Variants in IQCB1 observed in about 807,000 individuals in gnomAD.
IQCB1 encodes IQ motif containing B1.
Under a neutral mutation model 84.4 loss-of-function variants are expected in IQCB1, and 56 were observed. That is an observed-to-expected ratio of 0.66 (90% CI 0.54 to 0.83). The LOEUF (loss-of-function observed/expected upper bound fraction) is 0.83. IQCB1 is among the 40% of genes least tolerant of loss of function. The pLI is 0.00. For synonymous variants in IQCB1, 210 were observed against 234.8 expected (o/e 0.89, Z 0.96); for missense variants, 629 against 682.1 (o/e 0.92, Z 0.87).
At chr3:121,808,609 C>G (rs1028114797) in intron 6 of IQCB1, among the ~76,000 whole-genome samples, 15 of 151,908 alleles carry the variant, frequency 9.9e-5, no homozygotes, top group Non-Finnish European at 1.9e-4. Context: ...ATCTTTTAAA[C>G]TTAAAAGTTA....
intron 12 of IQCB1, among the ~76,000 whole-genome samples, chr3:121,783,562 G>C (rs77718540): frequency 1.4e-3 from 208 of 151,974 alleles, no homozygotes; most frequent in East Asian, 0.011. Context: ...CCCATGCTTT[G>C]TTTTCCATAC....
At chr3:121,776,044 G>GTT (rs58487265) in intron 13 of IQCB1, among the ~76,000 whole-genome samples, 9 of 151,196 alleles carry the variant, frequency 6.0e-5, no homozygotes, top group Admixed American at 3.3e-4. Context: ...ATTCATCCAC[G>GTT]TTTTTTTTTC....
intron 5 of IQCB1, among the ~76,000 whole-genome samples, chr3:121,816,839 A>T (rs1270572627): frequency 6.6e-6 from 1 of 152,224 alleles, no homozygotes; most frequent in Non-Finnish European, 1.5e-5. Context: ...ACCACTGTGG[A>T]AGACAGTGTG....
At chr3:121,779,390 A>C (rs1948380412) in intron 13 of IQCB1, among the ~76,000 whole-genome samples, 1 of 152,114 alleles carries the variant, frequency 6.6e-6, no homozygotes, top group Non-Finnish European at 1.5e-5. Flanking sequence ...CACCTATATT[A>C]ATCTTCCATC....
At position 121,788,315 on chromosome 3, in the gene IQCB1, T is replaced by C. The variant is rs1271180738; in HGVS notation, c.1247A>G (p.Glu416Gly). The C allele has an allele frequency of 6.2e-7, 1 of 1,613,882 alleles. No homozygotes were observed. The highest frequency in any genetic ancestry group is 8.5e-7 in the Non-Finnish European group (1 of 1,179,968). The change falls in exon 12 of 15, where the codon GAG becomes GGG. Residue 416 changes from glutamate (E) to glycine (G), a missense_variant. By Grantham distance (98) the Glu-to-Gly change is moderately conservative. Transcript: ENST00000310864. ...TTGAAGTGTGACAGCTGCTTTATACTCTATGAGAGACTGCCTCTGTTGGTG... is the reference window on the plus strand; with the variant it reads ...TTGAAGTGTGACAGCTGCTTTATACCCTATGAGAGACTGCCTCTGTTGGTG... ...NFHQQRQSLI[E>G]YKAAVTLQRA...
Position 121,827,087 on chromosome 3 carries a change from G to A in IQCB1, c.264-907C>T, listed in dbSNP as rs987132502. Reference sequence around the variant, plus strand: ...TGGAATACTATGCAGCCATAAAAAAGAACAAGATCATGTCCTTTGCAGCAA... The same window carrying A: ...TGGAATACTATGCAGCCATAAAAAAAAACAAGATCATGTCCTTTGCAGCAA... On this transcript the variant is annotated intron_variant, in intron 4 of 14. Coordinates refer to ENST00000310864, the MANE Select transcript of IQCB1 (RefSeq NM_001023570.4). 2.6e-5 allele frequency among the ~76,000 whole-genome samples: 4 copies of A among 152,002 alleles called. No individual in the cohort carries two copies. In the East Asian group the frequency reaches 7.7e-4, roughly 29 times the overall value.
At position 121,781,726 on chromosome 3, in the gene IQCB1, G is replaced by T; in HGVS notation, c.1410+17C>A. ...ATTGGAATAATGTAATACTGATATG[G>T]TACAGAAGCTTCATACCAAATGTCT... On this transcript the variant is annotated intron_variant, in intron 13 of 14. Coordinates refer to ENST00000310864, the MANE Select transcript of IQCB1 (RefSeq NM_001023570.4). The T allele has an allele frequency of 6.2e-7, 1 of 1,608,508 alleles. No individual in the cohort carries two copies. The highest frequency in any genetic ancestry group is 8.5e-7 in the Non-Finnish European group (1 of 1,175,652).
chr3:121,833,304 C>T (rs777966516), intron 2 of IQCB1, among the ~76,000 whole-genome samples: 5 of 152,152 alleles, frequency 3.3e-5, no homozygotes, highest in Non-Finnish European at 4.4e-5. Flanking sequence ...GTACCTGGCA[C>T]GTACTAGGAT....
rs182615699 is a variant in IQCB1 at position 121,776,358 on chromosome 3, G to C, written c.1411-3645C>G. On this transcript the variant is annotated intron_variant, in intron 13 of 14. Transcript: ENST00000310864. ...ATGGACATATATTTCTTTTTCTCTG[G>C]GGTAAATATCTAGGAGTAGAATGGC... 2.7e-3 allele frequency among the ~76,000 whole-genome samples: 408 copies of C among 152,118 alleles called. 1 individual carries two copies. Among genetic ancestry groups the C allele is most frequent in the African/African-American group, 9.4e-3 (390 of 41,486 alleles).
Position 121,828,463 on chromosome 3 carries a change from A to G in IQCB1, c.263+7T>C, listed in dbSNP as rs1162572689. ...TCAAGAACAGCTGACTTACTGCTTT[A>G]TTTTACCTTAATATCTGTGTAAGCT... On this transcript the variant is annotated splice_region_variant and intron_variant, in intron 4 of 14. Transcript: ENST00000310864. 6.2e-7 allele frequency: 1 copy of G among 1,610,258 alleles called. No homozygotes were observed. Among genetic ancestry groups the G allele is most frequent in the African/African-American group, 1.3e-5 (1 of 74,820 alleles).
chr3:121,789,261 T>A (rs1413368842), intron 11 of IQCB1, among the ~76,000 whole-genome samples: 1 of 152,202 alleles, frequency 6.6e-6, no homozygotes, highest in Non-Finnish European at 1.5e-5. Context: ...TTCAGGTCCT[T>A]CAGTGCACTA....
intron 5 of IQCB1, among the ~76,000 whole-genome samples, chr3:121,824,838 T>C (rs779488274): frequency 6.6e-6 from 1 of 152,052 alleles, no homozygotes; most frequent in African/African-American, 2.4e-5. Context: ...AAAAAGAGAA[T>C]TTAGAAGACT....
At chr3:121,808,234 A>T (rs1031789566) in intron 6 of IQCB1, among the ~76,000 whole-genome samples, 1 of 151,962 alleles carries the variant, frequency 6.6e-6, no homozygotes, top group Non-Finnish European at 1.5e-5. Flanking sequence ...TCCTTACAGA[A>T]CTATTTGACT....
At chr3:121,781,995 G>A (rs1948516598) in intron 12 of IQCB1, 121 bp from the exon 13 acceptor site, 1 of 985,222 alleles carries the variant, frequency 1.0e-6, no homozygotes, top group Non-Finnish European at 1.6e-6. Context: ...TGTGTATAAG[G>A]AGGGGAATGG....
intron 5 of IQCB1, among the ~76,000 whole-genome samples, chr3:121,825,655 T>C (rs1374553643): frequency 6.6e-6 from 1 of 152,196 alleles, no homozygotes; most frequent in African/African-American, 2.4e-5. Context: ...ATATTTTGAC[T>C]GGAGAAGATA....
At chr3:121,808,889 T>C in intron 6 of IQCB1, 27 bp downstream of exon 6, 2 of 1,326,774 alleles carry the variant, frequency 1.5e-6, no homozygotes, top group Non-Finnish European at 2.2e-6. Flanking sequence ...CAATAGCTAT[T>C]AGTTACATTA....
intron 2 of IQCB1, among the ~76,000 whole-genome samples, 194 bp from the exon 3 acceptor site, chr3:121,829,166 T>C (rs1950551715): frequency 6.6e-6 from 1 of 152,210 alleles, no homozygotes; most frequent in African/African-American, 2.4e-5. Context: ...GAGCTCAAGA[T>C]TCCTATACCT....
intron 13 of IQCB1, among the ~76,000 whole-genome samples, chr3:121,780,476 G>T (rs1948424925): frequency 6.6e-6 from 1 of 152,054 alleles, no homozygotes; most frequent in South Asian, 2.1e-4. Context: ...AATCACAGAG[G>T]GCCTGATATA....
chr3:121,826,788 T>C (rs879401179), intron 4 of IQCB1, among the ~76,000 whole-genome samples: 24 of 152,162 alleles, frequency 1.6e-4, no homozygotes, highest in Admixed American at 5.2e-4. Flanking sequence ...CCTCTTAAAA[T>C]TGTACATAAA....
Sources: allele counts gnomAD v4.1 joint callset (sites outside exome capture counted in the v4.1 genomes callset), GRCh38; gene constraint gnomAD v4.1.1; transcripts MANE v1.5; gene names NCBI Gene and HGNC (gene_info 2026-07-23, HGNC 2026-07-21).